The following RIMS4 variants were observed in gnomAD, a reference collection of about 807,000 sequenced individuals.
RIMS4 encodes regulating synaptic membrane exocytosis 4, also known as regulating synaptic membrane exocytosis protein 4.
Under a neutral mutation model 29.0 loss-of-function variants are expected in RIMS4, and 9 were observed. The observed-to-expected ratio is 0.31, with a 90% CI of 0.19 to 0.54. The LOEUF (loss-of-function observed/expected upper bound fraction) is 0.54, where lower values mean the gene tolerates loss of function less well. Among genes scored for constraint, RIMS4 ranks in the 20% least tolerant of loss-of-function variants. RIMS4 has a pLI of 0.94. For missense variants in RIMS4, 193 were observed against 365.7 expected (o/e 0.53, Z 3.85); for synonymous variants, 130 against 152.9 (o/e 0.85, Z 1.10).
Position 44,810,492 on chromosome 20 carries a change from T to TGGCGGC in RIMS4, c.-227_-222dup, listed in dbSNP as rs1186589933. Reference sequence around the variant, plus strand: ...CGGAGCCCGAGGCGCGCTGTGCTGCTGGCGGCGGCGGCGGCGGCGGCGGTG... The same window carrying TGGCGGC: ...CGGAGCCCGAGGCGCGCTGTGCTGCTGGCGGCGGCGGCGGCGGCGGCGGCGGCGGTG... On this transcript the variant is annotated 5_prime_UTR_variant, in exon 1 of 6. Transcript: ENST00000372851. Among the ~76,000 whole-genome samples, 4,882 of 138,554 alleles carry TGGCGGC rather than the reference T, an allele frequency of 0.035. 111 individuals are homozygous for TGGCGGC. The highest frequency in any genetic ancestry group is 0.091 in the Middle Eastern group (23 of 254). 90.9% of individuals were successfully genotyped at this position (138,554 alleles called of 152,430 possible).
At chr20:44,796,782 A>G (rs758864119) in intron 1 of RIMS4, among the ~76,000 whole-genome samples, 1 of 152,174 alleles carries the variant, frequency 6.6e-6, no homozygotes, top group Non-Finnish European at 1.5e-5. Context: ...AAATATGAAG[A>G]AGCTGGGTTT....
Position 44,780,333 on chromosome 20 carries a change from G to A in RIMS4, c.98-8920C>T, listed in dbSNP as rs74174921. On this transcript the variant is annotated intron_variant, in intron 1 of 5. Transcript: ENST00000372851. Reference sequence around the variant, plus strand: ...GCGATTAAGTCCACAGCAAAGAACTGGCGTGTGCAGGAACTGTCCGTGGTG... The same window carrying A: ...GCGATTAAGTCCACAGCAAAGAACTAGCGTGTGCAGGAACTGTCCGTGGTG... Among the ~76,000 whole-genome samples, 476 of 152,324 alleles carry A rather than the reference G, an allele frequency of 3.1e-3. 1 individual carries two copies. Among genetic ancestry groups the A allele is most frequent in the Non-Finnish European group, 5.7e-3 (391 of 68,040 alleles).
intron 1 of RIMS4, among the ~76,000 whole-genome samples, chr20:44,799,100 C>T (rs1273263487): frequency 6.6e-5 from 10 of 152,156 alleles, no homozygotes; most frequent in Admixed American, 6.5e-4. Context: ...GTCAGGAGTT[C>T]GAGACCAGCC....
chr20:44,764,213 CCCATCCATCCATCCGTCCATCCATTCAT>C (rs2066103208), intron 2 of RIMS4, among the ~76,000 whole-genome samples: 1 of 106,102 alleles, frequency 9.4e-6, no homozygotes, highest in Non-Finnish European at 1.8e-5. Flanking sequence ...CATCCATCCA[CCCATCCATCCATCCGTCCATCCATTCAT>C]CCATCCATCC....
At chr20:44,781,053 C>A (rs1438619677) in intron 1 of RIMS4, among the ~76,000 whole-genome samples, 1 of 152,194 alleles carries the variant, frequency 6.6e-6, no homozygotes, top group Non-Finnish European at 1.5e-5. Context: ...CTATGCCATG[C>A]TGTTCTTGTC....
In RIMS4 at chr20:44,810,230, G is replaced by A. The variant is rs1014665258; in HGVS notation, c.42C>T (p.Phe14=). Residue 14 remains phenylalanine, a synonymous_variant, in exon 1 of 6, where the codon TTC becomes TTT. Transcript: ENST00000372851. The part of the protein sequence containing the change: ...SQSRLSLSAS[F]EALAIYFPCM... The stretch of plus-strand genomic sequence containing the variant: ...ACGGGAAGTAGATGGCGAGCGCCTC[G>A]AAGGAGGCGGACAGACTGAGGCGGC... 3.2e-6 allele frequency: 5 copies of A among 1,568,786 alleles called. No individual in the cohort carries two copies. The East Asian group carries it at 9.6e-5, about 30-fold the overall frequency.
At chr20:44,782,753 TAAAAG>T (rs2066190220) in intron 1 of RIMS4, among the ~76,000 whole-genome samples, 1 of 152,144 alleles carries the variant, frequency 6.6e-6, no homozygotes, top group African/African-American at 2.4e-5. Flanking sequence ...TCAAAACTTT[TAAAAG>T]AAAAGGAAGG....
chr20:44,779,524 T>C (rs1425927083), intron 1 of RIMS4, among the ~76,000 whole-genome samples: 1 of 152,278 alleles, frequency 6.6e-6, no homozygotes, highest in Non-Finnish European at 1.5e-5. Context: ...TGGCTTCTTT[T>C]ACCCAACACG....
intron 2 of RIMS4, among the ~76,000 whole-genome samples, chr20:44,758,833 G>A (rs943246239): frequency 2.6e-5 from 4 of 152,198 alleles, no homozygotes; most frequent in African/African-American, 4.8e-5. Flanking sequence ...TTGAGCCTGA[G>A]ATGCAGGACT....
At chr20:44,776,626 G>A (rs890898284) in intron 1 of RIMS4, among the ~76,000 whole-genome samples, 5 of 152,038 alleles carry the variant, frequency 3.3e-5, no homozygotes, top group African/African-American at 1.2e-4. Flanking sequence ...AGAATCTCAG[G>A]GCTATGTGAG....
intron 1 of RIMS4, among the ~76,000 whole-genome samples, chr20:44,790,089 G>A (rs572129680): frequency 2.6e-5 from 4 of 152,352 alleles, no homozygotes; most frequent in Admixed American, 2.0e-4. Context: ...CATCAGAATC[G>A]CCTGGGAGCT....
At chr20:44,783,442 G>T (rs1601033994) in intron 1 of RIMS4, among the ~76,000 whole-genome samples, 1 of 152,210 alleles carries the variant, frequency 6.6e-6, no homozygotes, top group East Asian at 1.9e-4. Flanking sequence ...GACCAATATG[G>T]TGAAACACTG....
At chr20:44,758,041 G>C (rs747455088) in intron 3 of RIMS4, 31 bp downstream of exon 3, 5 of 1,491,764 alleles carry the variant, frequency 3.4e-6, no homozygotes, top group Non-Finnish European at 4.6e-6. Flanking sequence ...AACTCCCCTA[G>C]TCCATTTGAA....
intron 2 of RIMS4, among the ~76,000 whole-genome samples, chr20:44,766,970 C>A (rs1461100982): frequency 6.6e-6 from 1 of 152,200 alleles, no homozygotes. Flanking sequence ...TACCTCAGCT[C>A]CCTCACTTCC....
chr20:44,765,364 C>A (rs1378585913), intron 2 of RIMS4, among the ~76,000 whole-genome samples: 3 of 152,172 alleles, frequency 2.0e-5, no homozygotes, highest in Non-Finnish European at 4.4e-5. Context: ...ACATTCTTCA[C>A]TTCTCAGAGC....
At position 44,756,961 on chromosome 20, in the gene RIMS4, C is replaced by A. The variant is rs375368067; in HGVS notation, c.528G>T (p.Ser176=). The part of the protein sequence containing the change: ...AKKKTKVARK[S]LDPLYNQVLL... ...GCACCTGGTTATACAGTGGGTCCAGCGACTTGCGAGCGACTTTGGTCTTCT... is the reference window on the plus strand; with the variant it reads ...GCACCTGGTTATACAGTGGGTCCAGAGACTTGCGAGCGACTTTGGTCTTCT... The change falls in exon 5 of 6, where the codon TCG becomes TCT. Residue 176 remains serine (S), a synonymous_variant. Coordinates refer to ENST00000372851, the MANE Select transcript of RIMS4 (RefSeq NM_182970.4). This position sits in a 1 kb window ranked among gnomAD's most constrained non-coding sequence, Gnocchi z 5.9. The A allele has an allele frequency of 1.2e-6, 2 of 1,613,992 alleles. No individual in the cohort carries two copies. Among genetic ancestry groups the A allele is most frequent in the East Asian group, 4.5e-5 (2 of 44,872 alleles).
At chr20:44,762,521 TGA>T (rs1272882277) in intron 2 of RIMS4, among the ~76,000 whole-genome samples, 1 of 152,078 alleles carries the variant, frequency 6.6e-6, no homozygotes, top group Admixed American at 6.5e-5. Flanking sequence ...AGCCTGAAAT[TGA>T]AAGTTTCCTC....
At position 44,758,119 on chromosome 20, in the gene RIMS4, C is replaced by T. The variant is rs764069520; in HGVS notation, c.302G>A (p.Gly101Glu). 2 of 1,613,630 alleles carry T rather than the reference C, an allele frequency of 1.2e-6. No homozygotes were observed. Among genetic ancestry groups the T allele is most frequent in the Non-Finnish European group, 1.7e-6 (2 of 1,179,858 alleles). Residue 101 changes from glycine (G) to glutamate (E), a missense_variant, in exon 3 of 6, where the codon GGG (glycine) becomes GAG (glutamate). Transcript: ENST00000372851. Reference sequence around the variant, plus strand: ...CTGGCGGCCCACAAACTGTGCCGGCCCCATGCTTCCCAGGAAGTCACTGAA... The same window carrying T: ...CTGGCGGCCCACAAACTGTGCCGGCTCCATGCTTCCCAGGAAGTCACTGAA... ...AQFSDFLGSM[G>E]PAQFVGRQTL...
At chr20:44,809,835 G>A (rs369249565) in intron 1 of RIMS4, among the ~76,000 whole-genome samples, 1 of 152,062 alleles carries the variant, frequency 6.6e-6, no homozygotes, top group Non-Finnish European at 1.5e-5. Flanking sequence ...GGCTTGAAGA[G>A]TGGGCACATT....
Sources: gnomAD v4.1 joint callset for allele counts (sites outside exome capture counted in the v4.1 genomes callset) on GRCh38, gnomAD v4.1.1 for gene constraint, Gnocchi (gnomAD v3.1) non-coding constraint, MANE v1.5 for transcripts, NCBI Gene and HGNC (gene_info 2026-07-23, HGNC 2026-07-21) for gene names.